TENM2: variants seen among roughly 807,000 people sequenced by gnomAD.
TENM2 encodes teneurin transmembrane protein 2, also known as teneurin-2.
TENM2 carries 52 observed loss-of-function variants against 245.2 expected under a neutral mutation model. The ratio of observed to expected loss-of-function variants is 0.21; its 90% CI spans 0.17 to 0.27. The LOEUF is 0.27. Ranked by LOEUF, TENM2 falls within the 10% of genes least tolerant of loss-of-function variation. The pLI is 1.00. For missense variants in TENM2, 3,046 were observed against 3,666.8 expected, an observed-to-expected ratio of 0.83 and a Z score of 4.37; for synonymous variants, 1,363 against 1,438.9, an observed-to-expected ratio of 0.95 and a Z score of 1.19.
chr5:167,646,156 CATATATATATATGTTGTTTTCATAT>C (rs1347311875), intron 2 of TENM2, among the ~76,000 whole-genome samples: 3 of 97,818 alleles, frequency 3.1e-5, no homozygotes, highest in Non-Finnish European at 6.4e-5. Flanking sequence ...ATGTTGTTTT[CATATATATATATGTTGTTTTCATAT>C]ATATATATAT....
the TENM2 span, among the ~76,000 whole-genome samples, chr5:167,060,810 T>C: frequency 2.9e-4 from 44 of 152,270 alleles, no homozygotes; most frequent in African/African-American, 1.1e-3. Flanking sequence ...TGAAAGCCAG[T>C]GTGTGTGTTT....
At chr5:167,380,295 G>A (rs1246285641) in intron 2 of TENM2, among the ~76,000 whole-genome samples, 4 of 152,080 alleles carry the variant, frequency 2.6e-5, no homozygotes, top group Non-Finnish European at 5.9e-5. Flanking sequence ...TACAACCAGA[G>A]GCAAAATGTA....
chr5:167,006,020 T>C, the TENM2 span, among the ~76,000 whole-genome samples: 1 of 152,094 alleles, frequency 6.6e-6, no homozygotes, highest in African/African-American at 2.4e-5. Context: ...TGGAAGGAGG[T>C]AGGACATGGT....
the TENM2 span, among the ~76,000 whole-genome samples, chr5:167,262,155 A>G: frequency 6.6e-6 from 1 of 152,182 alleles, no homozygotes; most frequent in South Asian, 2.1e-4. Flanking sequence ...GAAGAGGATT[A>G]TCAGACCAGC....
intron 1 of TENM2, among the ~76,000 whole-genome samples, chr5:167,346,078 C>T (rs1431618243): frequency 2.6e-5 from 4 of 152,056 alleles, no homozygotes; most frequent in Admixed American, 1.3e-4. Context: ...GGTCACCTAC[C>T]CAAGTCCGCC....
At chr5:167,536,962 T>A (rs985323463) in intron 2 of TENM2, among the ~76,000 whole-genome samples, 2 of 151,914 alleles carry the variant, frequency 1.3e-5, no homozygotes, top group Non-Finnish European at 1.5e-5. Context: ...AGGTGGAGGT[T>A]GCAGTGAGCC....
At chr5:167,742,942 T>C (rs1282608265) in intron 2 of TENM2, among the ~76,000 whole-genome samples, 1 of 151,534 alleles carries the variant, frequency 6.6e-6, no homozygotes, top group Non-Finnish European at 1.5e-5. Context: ...CATTCCAGCC[T>C]GGGTGCTGGG....
chr5:167,789,225 C>G (rs191643242), intron 2 of TENM2, among the ~76,000 whole-genome samples: 3 of 152,216 alleles, frequency 2.0e-5, no homozygotes, highest in Admixed American at 2.0e-4. Flanking sequence ...TTTTTCTTTT[C>G]CTGGTCTCTG....
rs1562081312 is a variant in TENM2 at position 168,036,679 on chromosome 5, ATATATATATATATATATATATGTATGTG to A, written c.1187-10738_1187-10711del. Among the ~76,000 whole-genome samples the A allele has an allele frequency of 3.0e-4, 32 of 104,964 alleles. 1 individual carries two copies. Among genetic ancestry groups the A allele is most frequent in the African/African-American group, 1.6e-3 (29 of 18,680 alleles). The allele number at this position is 104,964 out of a possible 152,430, so 68.9% of individuals were successfully genotyped here. On this transcript the variant is annotated intron_variant, in intron 5 of 28. Transcript: ENST00000518659. ...ATATATATATAATATATGTATGTGTATATATATATATATATATATATGTATGTGTATATATATGTATGTGTATATATAT... is the reference window on the plus strand; with the variant it reads ...ATATATATATAATATATGTATGTGTATATATATATGTATGTGTATATATAT...
At chr5:168,213,947 C>T (rs1171618392) in intron 20 of TENM2, among the ~76,000 whole-genome samples, 1 of 152,188 alleles carries the variant, frequency 6.6e-6, no homozygotes, top group Non-Finnish European at 1.5e-5. Context: ...TTGTAATAAC[C>T]AGTATAGGAA....
chr5:167,877,494 T>C (rs1312691250), intron 3 of TENM2, among the ~76,000 whole-genome samples: 1 of 152,230 alleles, frequency 6.6e-6, no homozygotes. Context: ...TTAGAACTCA[T>C]CAGAGCTTCT....
intron 2 of TENM2, among the ~76,000 whole-genome samples, chr5:167,523,773 C>A (rs996549194): frequency 6.6e-6 from 1 of 152,016 alleles, no homozygotes; most frequent in South Asian, 2.1e-4. Flanking sequence ...GAGAGCTTGC[C>A]GCTTTCAGAA....
chr5:167,462,629 C>T (rs1461306302), intron 2 of TENM2, among the ~76,000 whole-genome samples: 1 of 152,030 alleles, frequency 6.6e-6, no homozygotes, highest in Non-Finnish European at 1.5e-5. Flanking sequence ...TCTTCTCCAA[C>T]TGTCCCCAGC....
At chr5:167,782,195 C>T (rs1023336082) in intron 2 of TENM2, among the ~76,000 whole-genome samples, 9 of 151,280 alleles carry the variant, frequency 5.9e-5, no homozygotes, top group African/African-American at 2.2e-4. Flanking sequence ...TGCCTGTAAT[C>T]CCAGCTACTC....
intron 2 of TENM2, among the ~76,000 whole-genome samples, chr5:167,411,399 T>C (rs1287539597): frequency 1.3e-5 from 2 of 152,078 alleles, no homozygotes; most frequent in African/African-American, 4.8e-5. Context: ...TTGTGAAGCA[T>C]AAACAAAAGT....
At chr5:167,663,091 T>A (rs1279119945) in intron 2 of TENM2, among the ~76,000 whole-genome samples, 1 of 150,530 alleles carries the variant, frequency 6.6e-6, no homozygotes, top group East Asian at 2.0e-4. Context: ...AAAAACTAAG[T>A]ACCAGTATAC....
the TENM2 span, among the ~76,000 whole-genome samples, chr5:167,143,235 C>T: frequency 6.6e-6 from 1 of 152,146 alleles, no homozygotes; most frequent in Non-Finnish European, 1.5e-5. Flanking sequence ...ACCATGAATA[C>T]GGGTAATTGA....
intron 2 of TENM2, among the ~76,000 whole-genome samples, chr5:167,432,644 G>C (rs1251609388): frequency 6.7e-6 from 1 of 150,142 alleles, no homozygotes; most frequent in Admixed American, 6.6e-5. Flanking sequence ...CTTCTCTGCT[G>C]GAGTTGATTT....
intron 1 of TENM2, among the ~76,000 whole-genome samples, chr5:167,322,213 GT>G (rs70976410): frequency 0.2 from 28,774 of 145,948 alleles, 3,037 homozygotes; most frequent in Middle Eastern, 0.32. Flanking sequence ...AAAAATATTT[GT>G]TTTTTTTTTT....
Sources: allele counts gnomAD v4.1 joint callset (sites outside exome capture counted in the v4.1 genomes callset), GRCh38; gene constraint gnomAD v4.1.1; transcripts MANE v1.5; gene names NCBI Gene and HGNC (gene_info 2026-07-23, HGNC 2026-07-21).